Variants in GRIA3 observed in about 807,000 individuals in gnomAD.
The protein encoded by GRIA3 is glutamate receptor 3.
Under a neutral mutation model 63.0 loss-of-function variants are expected in GRIA3, and 3 were observed. That is an observed-to-expected ratio of 0.05 (90% CI 0.02 to 0.12). The LOEUF is 0.12. GRIA3 is among the 10% of genes least tolerant of loss of function. The pLI is 1.00. For synonymous variants in GRIA3, 274 were observed against 257.9 expected, an observed-to-expected ratio of 1.06 and a Z score of -0.60; for missense variants, 347 against 700.9, an observed-to-expected ratio of 0.50 and a Z score of 5.70.
At chrX:123,391,505 C>G (rs1177746360) in intron 5 of GRIA3, among the ~76,000 whole-genome samples, 1 of 111,296 alleles carries the variant, frequency 9.0e-6, no homozygotes, top group East Asian at 2.8e-4. Context: ...ATGGGGACAT[C>G]AGATGGGCCA....
chrX:123,200,398 T>C (rs981216331), intron 2 of GRIA3, among the ~76,000 whole-genome samples: 5 of 110,569 alleles, frequency 4.5e-5, no homozygotes, highest in Admixed American at 2.9e-4. Flanking sequence ...TTTTACTTTA[T>C]ATTATATTGG....
intron 3 of GRIA3, among the ~76,000 whole-genome samples, chrX:123,303,127 A>G (rs1408302345): frequency 9.0e-6 from 1 of 111,366 alleles, no homozygotes; most frequent in African/African-American, 3.3e-5. Flanking sequence ...ATTGGGTTGC[A>G]GGATCTAGTA....
chrX:123,348,090 T>G (rs1424835301), intron 4 of GRIA3, among the ~76,000 whole-genome samples: 2 of 111,822 alleles, frequency 1.8e-5, no homozygotes, highest in Admixed American at 1.9e-4. Context: ...TCACTGGCAC[T>G]CTCAAGCTTG....
At chrX:123,394,633 G>T in intron 5 of GRIA3, among the ~76,000 whole-genome samples, 1 of 112,120 alleles carries the variant, frequency 8.9e-6, no homozygotes, top group Middle Eastern at 4.6e-3. Context: ...ATTACATAAA[G>T]CATTGTATTT....
intron 2 of GRIA3, among the ~76,000 whole-genome samples, chrX:123,226,184 GCAT>G (rs780664078): frequency 1.7e-4 from 19 of 111,244 alleles, no homozygotes; most frequent in Admixed American, 3.8e-4. Flanking sequence ...ACCATCATTA[GCAT>G]CATCATCACC....
At chrX:123,223,860 A>G (rs908224225) in intron 2 of GRIA3, among the ~76,000 whole-genome samples, 1 of 112,457 alleles carries the variant, frequency 8.9e-6, no homozygotes, top group East Asian at 2.8e-4. Context: ...CAAGGATGGG[A>G]AAGTGCAGAG....
intron 2 of GRIA3, among the ~76,000 whole-genome samples, chrX:123,211,393 T>C (rs1430338222): frequency 9.0e-6 from 1 of 111,535 alleles, no homozygotes; most frequent in Non-Finnish European, 1.9e-5. Flanking sequence ...CCCAAGGGTA[T>C]ACAATAAATA....
chrX:123,226,146 G>C (rs1322292687), intron 2 of GRIA3, among the ~76,000 whole-genome samples: 3 of 111,220 alleles, frequency 2.7e-5, no homozygotes, highest in Non-Finnish European at 5.7e-5. Context: ...AATGGATGTG[G>C]AAACCAGACA....
At chrX:123,419,326 T>C (rs2045551869) in intron 11 of GRIA3, among the ~76,000 whole-genome samples, 1 of 109,857 alleles carries the variant, frequency 9.1e-6, no homozygotes, top group Non-Finnish European at 1.9e-5. Context: ...GCAGAATCAC[T>C]TGAACCTGGG....
intron 4 of GRIA3, among the ~76,000 whole-genome samples, chrX:123,344,315 G>A (rs1392222032): frequency 8.9e-6 from 1 of 112,221 alleles, no homozygotes; most frequent in African/African-American, 3.2e-5. Context: ...CCTGCCAAAA[G>A]CATCCTATTG....
At chrX:123,477,751 C>T (rs1487932739) in intron 13 of GRIA3, among the ~76,000 whole-genome samples, 1 of 111,840 alleles carries the variant, frequency 8.9e-6, no homozygotes, top group Non-Finnish European at 1.9e-5. Flanking sequence ...AAACTAGGAT[C>T]TCTAGGAGCA....
intron 2 of GRIA3, among the ~76,000 whole-genome samples, chrX:123,216,734 T>C (rs1382203640): frequency 8.9e-6 from 1 of 112,235 alleles, no homozygotes; most frequent in Non-Finnish European, 1.9e-5. Flanking sequence ...ATATTGTTTC[T>C]AAACAGGAAA....
At position 123,253,326 on chromosome X, in the gene GRIA3, G is replaced by C; in HGVS notation, c.292G>C (p.Val98Leu). The change falls in exon 3 of 16, where the codon GTG becomes CTG. Residue 98 changes from valine to leucine, a missense_variant. Physicochemically the swap from Val to Leu is conservative, Grantham distance 32. Coordinates refer to ENST00000620443, the MANE Select transcript of GRIA3 (RefSeq NM_007325.5). ...AGTCTGCTCCCAGTTCTCGAGAGGG[G>C]TGTATGCCATCTTTGGATTCTATGA... ...NAFCSQFSRG[V>L]YAIFGFYDQM... The C allele has an allele frequency of 8.3e-7, 1 of 1,208,571 alleles. No homozygotes were observed. Among genetic ancestry groups the C allele is most frequent in the East Asian group, 3.0e-5 (1 of 33,819 alleles).
intron 2 of GRIA3, chrX:123,204,385 C>T (rs1409282818): frequency 1.7e-6 from 2 of 1,148,615 alleles, no homozygotes; most frequent in Non-Finnish European, 2.3e-6. Flanking sequence ...CAATATTTTA[C>T]CTTTCCTGTT....
chrX:123,225,041 G>A (rs1037642198), intron 2 of GRIA3, among the ~76,000 whole-genome samples: 4 of 111,710 alleles, frequency 3.6e-5, no homozygotes, highest in Admixed American at 9.5e-5. Context: ...AATTAGGTGC[G>A]TGAAACCTCT....
At chrX:123,193,615 C>T (rs185001193) in intron 2 of GRIA3, among the ~76,000 whole-genome samples, 1 of 112,064 alleles carries the variant, frequency 8.9e-6, no homozygotes, top group Non-Finnish European at 1.9e-5. Flanking sequence ...CCATTAAAAG[C>T]TTACCCAGTG....
chrX:123,463,627 A>AGAAAG (rs2045810937), intron 12 of GRIA3, among the ~76,000 whole-genome samples: 1 of 34,053 alleles, frequency 2.9e-5, no homozygotes, highest in African/African-American at 2.0e-4. Context: ...AAAGAAAGAA[A>AGAAAG]GAAAGAAAGA....
intron 2 of GRIA3, among the ~76,000 whole-genome samples, chrX:123,193,782 T>A (rs1458403144): frequency 8.9e-6 from 1 of 111,969 alleles, no homozygotes; most frequent in Non-Finnish European, 1.9e-5. Context: ...ATAAATTAAA[T>A]CCTTATCAGT....
intron 12 of GRIA3, among the ~76,000 whole-genome samples, chrX:123,461,612 T>G (rs964980147): frequency 9.0e-6 from 1 of 111,509 alleles, no homozygotes; most frequent in African/African-American, 3.3e-5. Flanking sequence ...ACATAAGAGT[T>G]TGGATTTTTT....
Sources: gnomAD v4.1 joint callset for allele counts (sites outside exome capture counted in the v4.1 genomes callset) on GRCh38, gnomAD v4.1.1 for gene constraint, MANE v1.5 for transcripts, NCBI Gene and HGNC (gene_info 2026-07-23, HGNC 2026-07-21) for gene names.